CLSTN2: variants seen among roughly 807,000 people sequenced by gnomAD.
CLSTN2 encodes the protein calsyntenin 2.
In CLSTN2, 48 loss-of-function variants were observed where a neutral mutation model predicts 101.2. That is an observed-to-expected ratio of 0.47 (90% CI 0.38 to 0.60). The LOEUF is 0.60. Among genes scored for constraint, CLSTN2 ranks in the 20% least tolerant of loss-of-function variants. CLSTN2 has a pLI of 0.00. For synonymous variants in CLSTN2, 481 were observed against 463.6 expected, an observed-to-expected ratio of 1.04 and a Z score of -0.48; for missense variants, 1,160 against 1,238.2, an observed-to-expected ratio of 0.94 and a Z score of 0.95.
chr3:140,003,274 A>G (rs564506266), intron 1 of CLSTN2, among the ~76,000 whole-genome samples: 3 of 152,098 alleles, frequency 2.0e-5, no homozygotes, highest in East Asian at 1.9e-4. Context: ...TTTACTTCTT[A>G]AGTTAATTCC....
At chr3:140,420,054 G>C (rs1484289334) in intron 4 of CLSTN2, among the ~76,000 whole-genome samples, 3 of 150,422 alleles carry the variant, frequency 2.0e-5, no homozygotes, top group Non-Finnish European at 4.4e-5. Context: ...CATCACACCT[G>C]GTTAATTTTT....
intron 1 of CLSTN2, among the ~76,000 whole-genome samples, chr3:140,019,184 C>A: frequency 6.6e-6 from 1 of 152,178 alleles, no homozygotes; most frequent in Non-Finnish European, 1.5e-5. Flanking sequence ...TTTATGTGTC[C>A]TCTTAACTGG....
intron 5 of CLSTN2, among the ~76,000 whole-genome samples, chr3:140,426,981 C>T (rs1055387919): frequency 5.3e-5 from 8 of 151,642 alleles, no homozygotes; most frequent in African/African-American, 1.7e-4. Flanking sequence ...TTGAAACCGG[C>T]CTGGCCAACA....
At chr3:140,269,025 C>T (rs945332361) in intron 2 of CLSTN2, among the ~76,000 whole-genome samples, 9 of 152,098 alleles carry the variant, frequency 5.9e-5, no homozygotes, top group African/African-American at 2.2e-4. Flanking sequence ...GAATAAATCT[C>T]CTAGTGAGTT....
At chr3:140,122,645 G>C (rs2009362146) in intron 1 of CLSTN2, among the ~76,000 whole-genome samples, 1 of 152,164 alleles carries the variant, frequency 6.6e-6, no homozygotes, top group South Asian at 2.1e-4. Flanking sequence ...GACACGTGCA[G>C]AGAGTGTCTG....
intron 1 of CLSTN2, among the ~76,000 whole-genome samples, chr3:139,987,901 C>G (rs1281657477): frequency 6.6e-6 from 1 of 152,200 alleles, no homozygotes. Flanking sequence ...ACAGCTGCCA[C>G]AGTTACGCCA....
intron 1 of CLSTN2, among the ~76,000 whole-genome samples, chr3:140,079,073 A>G (rs1216841177): frequency 6.6e-6 from 1 of 152,160 alleles, no homozygotes; most frequent in Admixed American, 6.5e-5. Flanking sequence ...TTCTTTTTGC[A>G]TGAAACAGGA....
intron 2 of CLSTN2, among the ~76,000 whole-genome samples, chr3:140,335,779 G>A (rs1576520799): frequency 1.3e-5 from 2 of 152,186 alleles, no homozygotes; most frequent in Admixed American, 1.3e-4. Flanking sequence ...TGTAATTTTC[G>A]AGCCATGGGC....
chr3:140,556,504 G>A lies in CLSTN2; in HGVS notation c.1675-9G>A. On this transcript the variant is annotated splice_polypyrimidine_tract_variant and intron_variant, in intron 10 of 16. Transcript: ENST00000458420. The stretch of plus-strand genomic sequence containing the variant: ...ATTCTCTTCCATGATGCTCACTTTT[G>A]TCTTCCAGTATCACTTCAACCCCTC... 1 of 1,613,852 alleles carries A rather than the reference G, an allele frequency of 6.2e-7. No homozygotes were observed. Among genetic ancestry groups the A allele is most frequent in the Non-Finnish European group, 8.5e-7 (1 of 1,179,846 alleles).
intron 2 of CLSTN2, among the ~76,000 whole-genome samples, chr3:140,193,804 C>G (rs1190821394): frequency 6.6e-6 from 1 of 151,970 alleles, no homozygotes; most frequent in South Asian, 2.1e-4. Flanking sequence ...TCCATAGGTT[C>G]CTGAGGCTCT....
At chr3:140,414,111 C>T (rs552033274) in intron 4 of CLSTN2, among the ~76,000 whole-genome samples, 2 of 152,122 alleles carry the variant, frequency 1.3e-5, no homozygotes, top group African/African-American at 4.8e-5. Flanking sequence ...GTAAAATTGT[C>T]TGTTTGCAGA....
intron 5 of CLSTN2, among the ~76,000 whole-genome samples, chr3:140,444,965 C>G (rs541443264): frequency 1.3e-5 from 2 of 152,318 alleles, no homozygotes; most frequent in South Asian, 2.1e-4. Flanking sequence ...CCAACTCCTT[C>G]TTGGAAAATG....
intron 1 of CLSTN2, among the ~76,000 whole-genome samples, chr3:139,990,231 T>C (rs1435377976): frequency 3.9e-5 from 6 of 152,184 alleles, no homozygotes; most frequent in Admixed American, 3.9e-4. Flanking sequence ...TGCACCTGAA[T>C]GTCAATAAGT....
chr3:140,413,242 G>T (rs1454318447), intron 4 of CLSTN2, among the ~76,000 whole-genome samples: 1 of 152,010 alleles, frequency 6.6e-6, no homozygotes, highest in African/African-American at 2.4e-5. Context: ...AATTTTCAAA[G>T]GATGGTAAGA....
intron 5 of CLSTN2, among the ~76,000 whole-genome samples, chr3:140,428,809 A>C (rs561363718): frequency 1.8e-4 from 28 of 152,324 alleles, no homozygotes; most frequent in Non-Finnish European, 2.9e-4. Context: ...AAGTGCGTCA[A>C]ATTGTCTGCA....
At position 140,491,637 on chromosome 3, in the gene CLSTN2, C is replaced by T. The variant is rs192643742; in HGVS notation, c.1344+24906C>T. 4.1e-3 allele frequency among the ~76,000 whole-genome samples: 630 copies of T among 152,290 alleles called. 8 individuals are homozygous for T. The highest frequency in any genetic ancestry group is 0.036 in the Admixed American group (557 of 15,296). The stretch of plus-strand genomic sequence containing the variant: ...AGAAGTTGGAGATCAGCCTGGGCAA[C>T]GTGGCAAAACCGCTCTCTAATAAGA... On this transcript the variant is annotated intron_variant, in intron 8 of 16. Coordinates refer to ENST00000458420, the MANE Select transcript of CLSTN2 (RefSeq NM_022131.3).
chr3:140,327,327 A>G (rs2087342210), intron 2 of CLSTN2, among the ~76,000 whole-genome samples: 2 of 152,236 alleles, frequency 1.3e-5, no homozygotes, highest in African/African-American at 2.4e-5. Flanking sequence ...CAGAAGGACA[A>G]TAACAGGTAG....
At chr3:140,120,936 G>T (rs1201449857) in intron 1 of CLSTN2, among the ~76,000 whole-genome samples, 1 of 152,170 alleles carries the variant, frequency 6.6e-6, no homozygotes, top group Non-Finnish European at 1.5e-5. Flanking sequence ...CATTTTCAAT[G>T]CCCCTGAAGT....
chr3:140,537,113 C>T (rs1028356633), intron 9 of CLSTN2, among the ~76,000 whole-genome samples: 1 of 152,186 alleles, frequency 6.6e-6, no homozygotes, highest in African/African-American at 2.4e-5. Flanking sequence ...CCTTTAATTG[C>T]CTTTGGGCTT....
Sources: gnomAD v4.1 joint callset for allele counts (sites outside exome capture counted in the v4.1 genomes callset) on GRCh38, gnomAD v4.1.1 for gene constraint, MANE v1.5 for transcripts, NCBI Gene and HGNC (gene_info 2026-07-23, HGNC 2026-07-21) for gene names.